KCNH7: variants seen among roughly 807,000 people sequenced by gnomAD.
The protein encoded by KCNH7 is potassium voltage-gated channel subfamily H member 7, also known as voltage-gated inwardly rectifying potassium channel KCNH7.
A neutral mutation model predicts 120.8 loss-of-function variants in KCNH7; 49 were observed. That is an observed-to-expected ratio of 0.41 (90% CI 0.32 to 0.51). The LOEUF (loss-of-function observed/expected upper bound fraction) is 0.51. KCNH7 is among the 20% of genes least tolerant of loss of function. The pLI is 0.38. For synonymous variants in KCNH7, 547 were observed against 516.1 expected (o/e 1.06, Z -0.81); for missense variants, 1,097 against 1,446.6 (o/e 0.76, Z 3.92).
At chr2:162,560,595 C>G (rs940222057) in intron 2 of KCNH7, among the ~76,000 whole-genome samples, 1 of 152,146 alleles carries the variant, frequency 6.6e-6, no homozygotes, top group Non-Finnish European at 1.5e-5. Context: ...GTGCAATAGT[C>G]AAGGTTAAAA....
intron 12 of KCNH7, among the ~76,000 whole-genome samples, chr2:162,386,908 G>T (rs573465911): frequency 1.3e-5 from 2 of 151,732 alleles, no homozygotes; most frequent in Non-Finnish European, 3.0e-5. Context: ...GTATTGTTAA[G>T]TTGAATGATA....
At chr2:162,601,035 A>G (rs1045761150) in intron 2 of KCNH7, among the ~76,000 whole-genome samples, 6 of 152,124 alleles carry the variant, frequency 3.9e-5, no homozygotes, top group African/African-American at 1.2e-4. Context: ...CTAAGATTCA[A>G]TAAGAACTTA....
chr2:162,787,900 C>A (rs1683771171), intron 2 of KCNH7, among the ~76,000 whole-genome samples: 1 of 152,202 alleles, frequency 6.6e-6, no homozygotes, highest in Non-Finnish European at 1.5e-5. Flanking sequence ...ACCAGGCCAG[C>A]CACCTAAGGA....
At chr2:162,735,753 C>G (rs935296473) in intron 2 of KCNH7, among the ~76,000 whole-genome samples, 1 of 152,168 alleles carries the variant, frequency 6.6e-6, no homozygotes, top group African/African-American at 2.4e-5. Context: ...TGAGAAATAC[C>G]TCTTATCCTT....
intron 6 of KCNH7, among the ~76,000 whole-genome samples, chr2:162,490,312 T>C (rs1055467891): frequency 1.3e-5 from 2 of 152,230 alleles, no homozygotes; most frequent in African/African-American, 2.4e-5. Context: ...CTTAGATATA[T>C]AGAAGCCCTT....
At chr2:162,670,329 C>G (rs539789896) in intron 2 of KCNH7, among the ~76,000 whole-genome samples, 2 of 151,580 alleles carry the variant, frequency 1.3e-5, no homozygotes, top group South Asian at 2.1e-4. Context: ...CAAAAATTAA[C>G]TGGGTGTGGT....
At chr2:162,655,790 TCAAAAAA>T (rs919573329) in intron 2 of KCNH7, among the ~76,000 whole-genome samples, 14 of 152,246 alleles carry the variant, frequency 9.2e-5, no homozygotes, top group African/African-American at 2.6e-4. Flanking sequence ...AGACTCCGTC[TCAAAAAA>T]CAAAAAACAA....
intron 13 of KCNH7, among the ~76,000 whole-genome samples, chr2:162,382,820 T>A (rs1453763347): frequency 6.6e-6 from 1 of 152,020 alleles, no homozygotes; most frequent in African/African-American, 2.4e-5. Flanking sequence ...AGTTTTAGAA[T>A]TCCCCATTGG....
chr2:162,411,314 G>T (rs556332983), intron 9 of KCNH7, among the ~76,000 whole-genome samples: 20 of 152,212 alleles, frequency 1.3e-4, no homozygotes, highest in Admixed American at 4.6e-4. Flanking sequence ...GCAGCAACAT[G>T]GATGCAGCTG....
chr2:162,561,950 T>A (rs1693084213), intron 2 of KCNH7, among the ~76,000 whole-genome samples: 1 of 152,086 alleles, frequency 6.6e-6, no homozygotes, highest in Non-Finnish European at 1.5e-5. Context: ...GTCAGCAAAC[T>A]AACACAAGAA....
intron 14 of KCNH7, among the ~76,000 whole-genome samples, chr2:162,374,680 A>T (rs1686097615): frequency 6.6e-6 from 1 of 152,172 alleles, no homozygotes. Flanking sequence ...GATAGAGAAC[A>T]TAATAAACCT....
In KCNH7 at chr2:162,670,486, A is replaced by AAG. The variant is rs1553511738; in HGVS notation, c.308-133407_308-133406insCT. Among the ~76,000 whole-genome samples, 92 of 150,976 alleles carry AAG rather than the reference A, an allele frequency of 6.1e-4. 1 individual carries two copies. Among genetic ancestry groups the AAG allele is most frequent in the Middle Eastern group, 3.4e-3 (1 of 292 alleles). ...GAACTCTGTCAAAAAAAAAAAAAAA[A>AAG]AAAAAAGAAAAATATTGACTGTATA... is the stretch of plus-strand genomic sequence containing the variant. On this transcript the variant is annotated intron_variant, in intron 2 of 15. Transcript: ENST00000332142.
intron 2 of KCNH7, among the ~76,000 whole-genome samples, chr2:162,620,322 G>T (rs1471992335): frequency 1.3e-5 from 2 of 151,554 alleles, no homozygotes; most frequent in South Asian, 2.1e-4. Flanking sequence ...GATCTCAAAG[G>T]TCCCTTTTAG....
At chr2:162,630,133 T>C (rs1231615698) in intron 2 of KCNH7, among the ~76,000 whole-genome samples, 1 of 152,040 alleles carries the variant, frequency 6.6e-6, no homozygotes, top group African/African-American at 2.4e-5. Flanking sequence ...GGAAAGGTCA[T>C]CCCATAGGCA....
chr2:162,380,688 CTTTAT>C (rs1298741810), intron 13 of KCNH7, among the ~76,000 whole-genome samples: 1 of 152,030 alleles, frequency 6.6e-6, no homozygotes, highest in Non-Finnish European at 1.5e-5. Flanking sequence ...TCTTGTGGCT[CTTTAT>C]TTTAAATATT....
At chr2:162,821,321 T>A (rs1685114530) in intron 2 of KCNH7, among the ~76,000 whole-genome samples, 1 of 152,218 alleles carries the variant, frequency 6.6e-6, no homozygotes, top group Non-Finnish European at 1.5e-5. Context: ...ACTAAGAACC[T>A]TCAACATGGA....
intron 2 of KCNH7, among the ~76,000 whole-genome samples, chr2:162,698,984 T>C (rs1241152771): frequency 6.6e-6 from 1 of 152,150 alleles, no homozygotes; most frequent in African/African-American, 2.4e-5. Flanking sequence ...ATCTTTATCA[T>C]GTATATGTTA....
chr2:162,446,309 A>C lies in KCNH7; in HGVS notation c.1263T>G (p.Thr421=). 6.2e-7 allele frequency: 1 copy of C among 1,613,948 alleles called. No individual in the cohort carries two copies. The highest frequency in any genetic ancestry group is 8.5e-7 in the Non-Finnish European group (1 of 1,179,896). ...DWLILLLVIY[T]AIFTPYSAAF... ...CTGCAGAGTAGGGAGTAAATATAGC[A>C]GTGTATATGACCAACAGCAGGATAA... is the stretch of plus-strand genomic sequence containing the variant. Residue 421 remains threonine (T), a synonymous_variant, in exon 7 of 16, where the codon ACT becomes ACG. Coordinates refer to ENST00000332142, the MANE Select transcript of KCNH7 (RefSeq NM_033272.4).
At chr2:162,515,612 C>T (rs1691257560) in intron 4 of KCNH7, among the ~76,000 whole-genome samples, 1 of 151,724 alleles carries the variant, frequency 6.6e-6, no homozygotes, top group African/African-American at 2.4e-5. Flanking sequence ...AAAACATATG[C>T]TGGTCATTTG....
Sources: allele counts gnomAD v4.1 joint callset (sites outside exome capture counted in the v4.1 genomes callset), GRCh38; gene constraint gnomAD v4.1.1; transcripts MANE v1.5; gene names NCBI Gene and HGNC (gene_info 2026-07-23, HGNC 2026-07-21).